Variants in PCDHA9 observed in about 807,000 individuals in gnomAD.
PCDHA9 encodes the protein protocadherin alpha-9.
PCDHA9 carries 62 observed loss-of-function variants against 62.0 expected under a neutral mutation model. The ratio of observed to expected loss-of-function variants is 1.00; its 90% CI spans 0.81 to 1.23. The LOEUF (loss-of-function observed/expected upper bound fraction) is 1.23, where lower values mean the gene tolerates loss of function less well. PCDHA9 is among the 50% of genes most tolerant of loss of function. PCDHA9 has a pLI of 0.00. For synonymous variants in PCDHA9, 557 were observed against 567.6 expected (o/e 0.98, Z 0.27); for missense variants, 1,205 against 1,249.8 (o/e 0.96, Z 0.54).
At chr5:140,983,481 T>A (rs782574681) in intron 3 of PCDHA9, among the ~76,000 whole-genome samples, 2 of 152,226 alleles carry the variant, frequency 1.3e-5, no homozygotes, top group Non-Finnish European at 2.9e-5. Context: ...TAATAGTAGT[T>A]ACTAATTATT....
chr5:140,909,164 A>T (rs2074347084), intron 1 of PCDHA9, among the ~76,000 whole-genome samples: 1 of 152,238 alleles, frequency 6.6e-6, no homozygotes, highest in South Asian at 2.1e-4. Context: ...AGGGAAAATC[A>T]ATCAAGTTCT....
chr5:140,875,738 G>A (rs1197047985), intron 1 of PCDHA9: 2 of 1,614,204 alleles, frequency 1.2e-6, no homozygotes, highest in Non-Finnish European at 1.7e-6. Context: ...GTGAATTCTC[G>A]GATCGACCGC....
intron 1 of PCDHA9, chr5:140,877,591 G>GT: frequency 6.2e-7 from 1 of 1,613,852 alleles, no homozygotes; most frequent in Non-Finnish European, 8.5e-7. Context: ...CATCTGTGCG[G>GT]TGTCCAGCCT....
intron 1 of PCDHA9, among the ~76,000 whole-genome samples, chr5:140,919,099 C>T (rs972213897): frequency 4.6e-5 from 7 of 152,126 alleles, no homozygotes; most frequent in Non-Finnish European, 7.4e-5. Context: ...CTATTTCTCC[C>T]TTCATTTCTG....
chr5:140,892,408 G>A (rs1323060042), intron 1 of PCDHA9, among the ~76,000 whole-genome samples: 1 of 152,054 alleles, frequency 6.6e-6, no homozygotes, highest in African/African-American at 2.4e-5. Context: ...TCAAGCTTCA[G>A]GTATTCTAGA....
intron 1 of PCDHA9, among the ~76,000 whole-genome samples, chr5:140,878,675 G>C (rs1582445027): frequency 6.6e-6 from 1 of 152,048 alleles, no homozygotes; most frequent in East Asian, 1.9e-4. Flanking sequence ...TTTAACCAGG[G>C]AATAAAGTCT....
At chr5:140,873,283 A>G (rs1554166657) in intron 1 of PCDHA9, among the ~76,000 whole-genome samples, 1 of 152,258 alleles carries the variant, frequency 6.6e-6, no homozygotes, top group Non-Finnish European at 1.5e-5. Flanking sequence ...CATACCACTT[A>G]TGAAACTTTA....
intron 1 of PCDHA9, chr5:140,927,653 G>A: frequency 6.2e-7 from 1 of 1,614,190 alleles, no homozygotes; most frequent in Non-Finnish European, 8.5e-7. Context: ...GTGTTATTCC[G>A]AGTTCAAGCC....
chr5:140,884,556 GC>G, intron 1 of PCDHA9: 2 of 1,614,154 alleles, frequency 1.2e-6, no homozygotes, highest in Non-Finnish European at 1.7e-6. Flanking sequence ...TCTGGGGAGG[GC>G]CCGCATAAGA....
At chr5:140,866,322 C>G (rs1235184378) in intron 1 of PCDHA9, 1 of 152,052 alleles carries the variant, frequency 6.6e-6, no homozygotes, top group Non-Finnish European at 1.5e-5. Context: ...TTCAGGGACC[C>G]TGAACTTGGC....
At chr5:140,881,471 G>T (rs1420508750) in intron 1 of PCDHA9, 1 of 555,772 alleles carries the variant, frequency 1.8e-6, no homozygotes, top group Non-Finnish European at 2.3e-6. Flanking sequence ...CATTGTTGTG[G>T]CTAAATTATT....
chr5:140,989,609 T>C (rs782186182), intron 3 of PCDHA9, among the ~76,000 whole-genome samples: 4 of 152,178 alleles, frequency 2.6e-5, no homozygotes, highest in Non-Finnish European at 5.9e-5. Flanking sequence ...AAACTAAAAA[T>C]GAAAGTCTGT....
intron 1 of PCDHA9, among the ~76,000 whole-genome samples, chr5:140,946,707 A>C (rs2094013917): frequency 6.7e-6 from 1 of 150,204 alleles, no homozygotes; most frequent in East Asian, 1.9e-4. Context: ...TCTGGAGGTC[A>C]TTATGTTTAG....
At chr5:140,912,578 A>G (rs2075983045) in intron 1 of PCDHA9, among the ~76,000 whole-genome samples, 1 of 152,052 alleles carries the variant, frequency 6.6e-6, no homozygotes, top group Admixed American at 6.5e-5. Context: ...CCTCTTTTCC[A>G]ATTTGGATGC....
rs541261946 is a variant in PCDHA9, at chr5:140,926,749, G to T, written c.2395-52200G>T. ...GGCGTTCGGGAGGCGCAACGTCGGC[G>T]GTCGCTGAGTATCCAGCCCGCAGCA... On this transcript the variant is annotated intron_variant, in intron 1 of 3. Coordinates refer to ENST00000532602, the MANE Select transcript of PCDHA9 (RefSeq NM_031857.2). 7.3e-6 allele frequency: 9 copies of T among 1,237,260 alleles called. No homozygotes were observed. In the East Asian group the frequency reaches 2.0e-4, roughly 28 times the overall value. The allele number at this position is 1,237,260 out of a possible 1,614,324, so 76.6% of individuals were successfully genotyped here.
chr5:140,863,834 A>G lies in PCDHA9; in HGVS notation c.2394+12945A>G, dbSNP rs868982708. The G allele has an allele frequency of 1.6e-5, 3 of 185,882 alleles. No homozygotes were observed. The East Asian group carries it at 3.9e-4, about 24-fold the overall frequency. The allele number at this position is 185,882 out of a possible 1,614,324, so 11.5% of individuals were successfully genotyped here. A position where few individuals can be genotyped will look rare whatever the true frequency, so the allele number is the denominator to read the frequency against. The stretch of plus-strand genomic sequence containing the variant: ...GCCAACATGGTGAAACTCCATCTCT[A>G]CTAAAGATATAAAAAAATTAGCTGG... On this transcript the variant is annotated intron_variant, in intron 1 of 3. Transcript: ENST00000532602.
chr5:140,975,522 G>A (rs2096670563), intron 1 of PCDHA9, among the ~76,000 whole-genome samples: 1 of 152,128 alleles, frequency 6.6e-6, no homozygotes, highest in African/African-American at 2.4e-5. Context: ...ATCTGCAGTG[G>A]ATATATTCTT....
intron 1 of PCDHA9, among the ~76,000 whole-genome samples, chr5:140,957,130 A>G (rs1554222831): frequency 6.6e-6 from 1 of 152,188 alleles, no homozygotes; most frequent in East Asian, 1.9e-4. Context: ...TCTTTACTAC[A>G]CTATGAACTA....
chr5:140,982,286 A>C, intron 2 of PCDHA9, 189 bp from the exon 3 acceptor site: 1 of 1,075,236 alleles, frequency 9.3e-7, no homozygotes, highest in Non-Finnish European at 1.3e-6. Flanking sequence ...GCAGGCAATA[A>C]GTAAGTCAGC....
Sources: gnomAD v4.1 joint callset for allele counts (sites outside exome capture counted in the v4.1 genomes callset) on GRCh38, gnomAD v4.1.1 for gene constraint, MANE v1.5 for transcripts, NCBI Gene and HGNC (gene_info 2026-07-23, HGNC 2026-07-21) for gene names.